Variants in ZNF516 observed in about 807,000 individuals in gnomAD.
ZNF516 encodes the protein zinc finger protein 516.
A neutral mutation model predicts 79.7 loss-of-function variants in ZNF516; 19 were observed. The observed-to-expected ratio is 0.24, with a 90% CI of 0.17 to 0.35. The LOEUF is 0.35. Ranked by LOEUF, ZNF516 falls within the 10% of genes least tolerant of loss-of-function variation. The pLI is 1.00. For synonymous variants in ZNF516, 877 were observed against 739.5 expected, an observed-to-expected ratio of 1.19 and a Z score of -3.02; for missense variants, 1,678 against 1,679.5, an observed-to-expected ratio of 1.00 and a Z score of 0.02.
At position 76,360,649 on chromosome 18, in the gene ZNF516, AT is replaced by A. The variant is rs1568223972; in HGVS notation, c.*1848del. 0.016 allele frequency: 1,528 copies of A among 94,118 alleles called. 19 individuals carry two copies. Among genetic ancestry groups the A allele is most frequent in the Non-Finnish European group, 0.025 (1,135 of 45,518 alleles). The allele number at this position is 94,118 out of a possible 1,614,324, so 5.8% of individuals were successfully genotyped here. ...AAAATAAGTAAAAAAAAAAAAAAAT[AT>A]ATATATATATATATATATATATATA... On this transcript the variant is annotated 3_prime_UTR_variant, in exon 7 of 7. Transcript: ENST00000443185.
At chr18:76,454,718 T>C (rs534351166) in intron 2 of ZNF516, among the ~76,000 whole-genome samples, 1 of 152,318 alleles carries the variant, frequency 6.6e-6, no homozygotes, top group East Asian at 1.9e-4. Context: ...TAATGACACA[T>C]TACTGCAAGT....
intron 3 of ZNF516, among the ~76,000 whole-genome samples, chr18:76,428,389 T>C (rs8098821): frequency 0.43 from 41,028 of 94,752 alleles, 6,959 homozygotes; most frequent in East Asian, 0.58. Flanking sequence ...TGAGATTCTG[T>C]CTCAAAAAAA....
In ZNF516 at chr18:76,442,336, T is replaced by C. The variant is rs780826927; in HGVS notation, c.719A>G (p.Lys240Arg). 6.2e-7 allele frequency: 1 copy of C among 1,611,088 alleles called. No individual in the cohort carries two copies. The highest frequency in any genetic ancestry group is 2.2e-5 in the East Asian group (1 of 44,808). The change falls in exon 3 of 7, where the codon AAG (lysine) becomes AGG (arginine). Residue 240 changes from lysine to arginine, a missense_variant. By Grantham distance (26) the Lys-to-Arg change is conservative (BLOSUM62 2). Coordinates refer to ENST00000443185, the MANE Select transcript of ZNF516 (RefSeq NM_014643.4). ...GAACTCCCCGGGGCTCAGCTCGGGC[T>C]TGCCGTTCTCCACGCAGGCCTCGCC... is the stretch of plus-strand genomic sequence containing the variant. ...GSGEACVENGKPELSPGEFPC... is the reference protein window; with the variant it reads ...GSGEACVENGRPELSPGEFPC...
intron 3 of ZNF516, among the ~76,000 whole-genome samples, chr18:76,405,478 G>A (rs1294569615): frequency 1.3e-5 from 2 of 152,184 alleles, no homozygotes; most frequent in African/African-American, 4.8e-5. Context: ...TCAGCATGAA[G>A]CAGCTGAGCA....
intron 3 of ZNF516, among the ~76,000 whole-genome samples, chr18:76,395,694 G>A (rs545606943): frequency 1.3e-5 from 2 of 151,948 alleles, no homozygotes; most frequent in African/African-American, 2.4e-5. Flanking sequence ...TGGAGGCCAC[G>A]CATTCTAGAT....
intron 1 of ZNF516, among the ~76,000 whole-genome samples, chr18:76,485,423 G>A (rs1028409264): frequency 5.3e-5 from 8 of 152,204 alleles, no homozygotes; most frequent in African/African-American, 1.4e-4. Flanking sequence ...CTTCGCTCAC[G>A]TTCTCGAAGC....
At chr18:76,439,693 T>A (rs2075788767) in intron 3 of ZNF516, among the ~76,000 whole-genome samples, 1 of 152,144 alleles carries the variant, frequency 6.6e-6, no homozygotes, top group African/African-American at 2.4e-5. Context: ...ACCACCATCA[T>A]AATCAATGGG....
At chr18:76,374,340 T>C (rs750586497) in intron 4 of ZNF516, among the ~76,000 whole-genome samples, 1 of 152,276 alleles carries the variant, frequency 6.6e-6, no homozygotes, top group Non-Finnish European at 1.5e-5. Context: ...ATTTATGTTC[T>C]ATTCCTGTAT....
intron 3 of ZNF516, among the ~76,000 whole-genome samples, chr18:76,384,486 C>T (rs1208705365): frequency 7.5e-6 from 1 of 133,856 alleles, no homozygotes; most frequent in African/African-American, 2.9e-5. Context: ...ACACCTTTCT[C>T]CATGGCCCCC....
intron 3 of ZNF516, among the ~76,000 whole-genome samples, chr18:76,435,099 T>C (rs560643163): frequency 4.1e-4 from 62 of 152,288 alleles, no homozygotes; most frequent in South Asian, 3.7e-3. Context: ...CTTAGTTCCC[T>C]CCCACCTCGA....
At chr18:76,384,638 G>A (rs1313901456) in intron 3 of ZNF516, among the ~76,000 whole-genome samples, 4 of 149,176 alleles carry the variant, frequency 2.7e-5, no homozygotes, top group Non-Finnish European at 4.5e-5. Context: ...TGGCGTAGGT[G>A]GCTTTTGATG....
intron 3 of ZNF516, among the ~76,000 whole-genome samples, chr18:76,391,530 C>A (rs1403704929): frequency 6.6e-6 from 1 of 152,178 alleles, no homozygotes; most frequent in Non-Finnish European, 1.5e-5. Flanking sequence ...AAACACCTAA[C>A]CCTAACCCAA....
In ZNF516 at chr18:76,443,093, T is replaced by C; in HGVS notation, c.-39A>G. The C allele has an allele frequency of 6.5e-7, 1 of 1,538,838 alleles. No individual in the cohort carries two copies. Among genetic ancestry groups the C allele is most frequent in the South Asian group, 1.2e-5 (1 of 84,626 alleles). On this transcript the variant is annotated 5_prime_UTR_variant, in exon 3 of 7. Transcript: ENST00000443185. ...GCGGCCGGTGGTGGCGGCACAGCTT[T>C]CTGTCGCGCGGGCTGCAGGGACCGT...
At chr18:76,456,761 GC>G (rs763170563) in intron 2 of ZNF516, among the ~76,000 whole-genome samples, 1 of 145,476 alleles carries the variant, frequency 6.9e-6, no homozygotes, top group Non-Finnish European at 1.5e-5. Flanking sequence ...GTGGGGGGGG[GC>G]CAGTGGCTCC....
chr18:76,367,057 C>T (rs775266643), intron 6 of ZNF516, among the ~76,000 whole-genome samples: 1 of 152,206 alleles, frequency 6.6e-6, no homozygotes, highest in Non-Finnish European at 1.5e-5. Context: ...ACATTCCTAC[C>T]TGGGTTTCCA....
chr18:76,452,433 AATAAGGC>A (rs1280752319), intron 2 of ZNF516, among the ~76,000 whole-genome samples: 1 of 152,218 alleles, frequency 6.6e-6, no homozygotes, highest in Non-Finnish European at 1.5e-5. Context: ...AACTGTCCGT[AATAAGGC>A]TTTAGTACGC....
At chr18:76,483,808 T>C (rs12963109) in intron 1 of ZNF516, among the ~76,000 whole-genome samples, 40,698 of 152,174 alleles carry the variant, frequency 0.27, 5,783 homozygotes, top group African/African-American at 0.35. Flanking sequence ...TGGCACCCAC[T>C]GCGGGGCTGG....
In ZNF516 at chr18:76,442,571, C is replaced by T. The variant is rs774675751; in HGVS notation, c.484G>A (p.Gly162Arg). The T allele has an allele frequency of 4.4e-6, 7 of 1,598,558 alleles. No individual in the cohort carries two copies. In the East Asian group the frequency reaches 1.3e-4, roughly 31 times the overall value. Reference protein sequence around the residue: ...LLRSSKKGAEGSACAPGEAKA... With the variant: ...LLRSSKKGAERSACAPGEAKA... ...GCCTCCCCCGGGGCGCATGCGGACC[C>T]CTCTGCCCCCTTCTTGCTGCTCCGC... The change falls in exon 3 of 7, where the codon GGG becomes AGG. Residue 162 changes from glycine (G) to arginine (R), a missense_variant. Gly to Arg is a moderately radical substitution (Grantham distance 125, BLOSUM62 -2). Coordinates refer to ENST00000443185, the MANE Select transcript of ZNF516 (RefSeq NM_014643.4).
In ZNF516 at chr18:76,443,058, A is replaced by C; in HGVS notation, c.-4T>G. 1 of 1,581,662 alleles carries C rather than the reference A, an allele frequency of 6.3e-7. No homozygotes were observed. The highest frequency in any genetic ancestry group is 8.5e-7 in the Non-Finnish European group (1 of 1,170,292). Reference sequence around the variant, plus strand: ...CGGCCTCTCTGTTGCGATCCATCCGAAGGACGGGCGCGGCCGGTGGTGGCG... The same window carrying C: ...CGGCCTCTCTGTTGCGATCCATCCGCAGGACGGGCGCGGCCGGTGGTGGCG... On this transcript the variant is annotated 5_prime_UTR_variant, in exon 3 of 7. Coordinates refer to ENST00000443185, the MANE Select transcript of ZNF516 (RefSeq NM_014643.4).
Sources: gnomAD v4.1 joint callset for allele counts (sites outside exome capture counted in the v4.1 genomes callset) on GRCh38, gnomAD v4.1.1 for gene constraint, MANE v1.5 for transcripts, NCBI Gene and HGNC (gene_info 2026-07-23, HGNC 2026-07-21) for gene names.